Variants in CDH3 observed in about 807,000 individuals in gnomAD.
CDH3 encodes cadherin-3.
Under a neutral mutation model 82.0 loss-of-function variants are expected in CDH3, and 54 were observed. The ratio of observed to expected loss-of-function variants is 0.66; its 90% CI spans 0.53 to 0.83. The LOEUF is 0.83. Ranked by LOEUF, CDH3 falls within the 40% of genes least tolerant of loss-of-function variation. CDH3 has a pLI of 0.00. For synonymous variants in CDH3, 446 were observed against 437.9 expected (o/e 1.02, Z -0.23); for missense variants, 1,054 against 1,084.6 (o/e 0.97, Z 0.40).
chr16:68,731,572 C>T (rs1219547297), downstream of CDH3, among the ~76,000 whole-genome samples: 1 of 148,750 alleles, frequency 6.7e-6, no homozygotes, highest in African/African-American at 2.5e-5. Context: ...CGTGATGGCT[C>T]ATGTTTGTAA....
chr16:68,690,557 G>A (rs1567454810), intron 12 of CDH3, among the ~76,000 whole-genome samples: 1 of 151,762 alleles, frequency 6.6e-6, no homozygotes, highest in Non-Finnish European at 1.5e-5. Flanking sequence ...AGGTTGCAGT[G>A]AGCTGAGATC....
At chr16:68,731,388 A>AT (rs1962286265), downstream of CDH3, among the ~76,000 whole-genome samples, 2 of 26,166 alleles carry the variant, frequency 7.6e-5, no homozygotes, top group African/African-American at 2.2e-4. Flanking sequence ...AAAAAAAAAA[A>AT]AAAAAAAATA....
chr16:68,653,457 A>T (rs1960308720), intron 2 of CDH3, among the ~76,000 whole-genome samples: 3 of 151,916 alleles, frequency 2.0e-5, no homozygotes, highest in Non-Finnish European at 4.4e-5. Context: ...GGCTGGTCTC[A>T]AACTCCCGAC....
the CDH3 span, among the ~76,000 whole-genome samples, chr16:68,732,837 C>T: frequency 6.6e-6 from 1 of 152,082 alleles, no homozygotes. Flanking sequence ...AAGTCTTTCT[C>T]TAGAGCCCTC....
intron 11 of CDH3, among the ~76,000 whole-genome samples, chr16:68,685,586 A>G (rs1468643031): frequency 6.6e-6 from 1 of 152,172 alleles, no homozygotes; most frequent in South Asian, 2.1e-4. Flanking sequence ...CAGGTAGATC[A>G]CCTGAGGTCG....
intron 2 of CDH3, among the ~76,000 whole-genome samples, chr16:68,675,182 G>A (rs933992382): frequency 2.6e-5 from 4 of 152,070 alleles, no homozygotes; most frequent in Non-Finnish European, 5.9e-5. Context: ...TTATTTTAAG[G>A]AAAGGTATTT....
downstream of CDH3, among the ~76,000 whole-genome samples, chr16:68,701,416 A>G (rs1436169023): frequency 1.3e-5 from 2 of 152,230 alleles, no homozygotes; most frequent in African/African-American, 2.4e-5. Flanking sequence ...CTAACCACGC[A>G]GAGTGGACAC....
chr16:68,726,371 C>A (rs1159631700), intron 2 of CDH3, among the ~76,000 whole-genome samples: 1 of 152,112 alleles, frequency 6.6e-6, no homozygotes, highest in African/African-American at 2.4e-5. Context: ...ATCCTCTTGC[C>A]TTCCTTCTCT....
intron 2 of CDH3, among the ~76,000 whole-genome samples, chr16:68,669,777 G>T (rs2152096151): frequency 6.6e-6 from 1 of 152,200 alleles, no homozygotes; most frequent in Admixed American, 6.5e-5. Context: ...TGTCTGGTTA[G>T]CCCTTTACTG....
intron 2 of CDH3, among the ~76,000 whole-genome samples, chr16:68,670,096 C>A (rs891821122): frequency 1.3e-5 from 2 of 151,698 alleles, no homozygotes. Flanking sequence ...TGGTGGCGGG[C>A]GCCTGTAGTC....
chr16:68,727,290 C>T (rs1006968310), exon 3 of CDH3, among the ~76,000 whole-genome samples: 3 of 152,222 alleles, frequency 2.0e-5, no homozygotes, highest in Non-Finnish European at 2.9e-5. Context: ...TTGGGCAATG[C>T]TACCAGCTTC....
At chr16:68,655,885 G>A (rs1960399631) in intron 2 of CDH3, among the ~76,000 whole-genome samples, 2 of 152,100 alleles carry the variant, frequency 1.3e-5, no homozygotes, top group South Asian at 2.1e-4. Flanking sequence ...AGAGATTGAG[G>A]GGGAGGTGGG....
intron 9 of CDH3, among the ~76,000 whole-genome samples, chr16:68,682,719 A>G (rs957434679): frequency 2.6e-5 from 4 of 152,216 alleles, no homozygotes; most frequent in Non-Finnish European, 5.9e-5. Flanking sequence ...GAAGCACATC[A>G]GTGGAGCCTC....
chr16:68,672,077 A>G (rs1226573034), intron 2 of CDH3, among the ~76,000 whole-genome samples: 1 of 151,966 alleles, frequency 6.6e-6, no homozygotes, highest in East Asian at 1.9e-4. Context: ...CTGTAGTCCC[A>G]GCTACTCGGG....
At chr16:68,706,833 C>T (rs953276065) in intron 1 of CDH3, among the ~76,000 whole-genome samples, 3 of 152,114 alleles carry the variant, frequency 2.0e-5, no homozygotes, top group South Asian at 4.1e-4. Context: ...GGATTACAGG[C>T]GTGAGCCACT....
chr16:68,729,545 G>A (rs571786314), downstream of CDH3, among the ~76,000 whole-genome samples: 1 of 152,150 alleles, frequency 6.6e-6, no homozygotes, highest in Non-Finnish European at 1.5e-5. Flanking sequence ...TGAACAAAAA[G>A]GGATGGAGAA....
chr16:68,671,780 C>T (rs367840359), intron 2 of CDH3, among the ~76,000 whole-genome samples: 3 of 152,026 alleles, frequency 2.0e-5, no homozygotes, highest in African/African-American at 4.8e-5. Flanking sequence ...TCTTGCCCTC[C>T]GAAAGTCCTG....
intron 2 of CDH3, among the ~76,000 whole-genome samples, chr16:68,659,477 G>C (rs1163864971): frequency 6.6e-6 from 1 of 151,880 alleles, no homozygotes. Context: ...CAGGTGGCTG[G>C]GGCAGGAGAA....
In CDH3 at chr16:68,698,325, T is replaced by A; in HGVS notation, c.2415T>A (p.Asp805Glu). 6.2e-7 allele frequency: 1 copy of A among 1,614,168 alleles called. No homozygotes were observed. Among genetic ancestry groups the A allele is most frequent in the Non-Finnish European group, 8.5e-7 (1 of 1,180,012 alleles). ...LTSSASDQDQ[D>E]YDYLNEWGSR... ...CCTCCGCCTCCGACCAAGACCAAGA[T>A]TACGATTATCTGAACGAGTGGGGCA... Residue 805 changes from aspartate (D) to glutamate (E), a missense_variant, in exon 16 of 16, where the codon GAT becomes GAA. Asp to Glu is a conservative substitution (Grantham distance 45). Coordinates refer to ENST00000264012, the MANE Select transcript of CDH3 (RefSeq NM_001793.6).
Sources: gnomAD v4.1 joint callset for allele counts (sites outside exome capture counted in the v4.1 genomes callset) on GRCh38, gnomAD v4.1.1 for gene constraint, MANE v1.5 for transcripts, NCBI Gene and HGNC (gene_info 2026-07-23, HGNC 2026-07-21) for gene names.